Variants in COL23A1 observed in about 807,000 individuals in gnomAD.
The protein encoded by COL23A1 is collagen alpha-1(XXIII) chain.
A neutral mutation model predicts 99.3 loss-of-function variants in COL23A1; 97 were observed. The observed-to-expected ratio is 0.98, with a 90% CI of 0.83 to 1.16. COL23A1 has a LOEUF of 1.16. Among genes scored for constraint, COL23A1 ranks in the 50% most tolerant of loss-of-function variants. The pLI is 0.00. For synonymous variants in COL23A1, 320 were observed against 308.2 expected (o/e 1.04, Z -0.40); for missense variants, 762 against 757.4 (o/e 1.01, Z -0.07).
chr5:178,498,905 C>T (rs537507239), intron 2 of COL23A1, among the ~76,000 whole-genome samples: 8 of 148,288 alleles, frequency 5.4e-5, no homozygotes, highest in Middle Eastern at 6.8e-3. Context: ...TCCTGGCCAA[C>T]GGTGAAACCC....
intron 2 of COL23A1, among the ~76,000 whole-genome samples, chr5:178,464,795 C>T (rs1055180960): frequency 1.3e-5 from 2 of 152,174 alleles, no homozygotes; most frequent in Admixed American, 6.5e-5. Context: ...TCTCAGATCC[C>T]GTGAGGCCTC....
chr5:178,466,278 G>C (rs1163560926), intron 2 of COL23A1, among the ~76,000 whole-genome samples: 1 of 152,200 alleles, frequency 6.6e-6, no homozygotes, highest in East Asian at 1.9e-4. Context: ...TGCATCTGCA[G>C]AGCACAGAGC....
At chr5:178,379,073 G>A (rs1316560746) in intron 2 of COL23A1, among the ~76,000 whole-genome samples, 1 of 152,080 alleles carries the variant, frequency 6.6e-6, no homozygotes, top group African/African-American at 2.4e-5. Flanking sequence ...CTGGTTATGG[G>A]AGCTGCCCCA....
At chr5:178,264,739 C>T (rs990705918) in intron 8 of COL23A1, among the ~76,000 whole-genome samples, 9 of 152,216 alleles carry the variant, frequency 5.9e-5, no homozygotes, top group African/African-American at 2.2e-4. Context: ...TCACTGCAAC[C>T]TCCACCTCCC....
In COL23A1 at chr5:178,449,784, T is replaced by C. The variant is rs556953584; in HGVS notation, c.361+110898A>G. On this transcript the variant is annotated intron_variant, in intron 2 of 28. Transcript: ENST00000390654. ...AGAAAATTATACACAAAGCACCCTT[T>C]TGCAGAGCTCTAGAGACAAGGCATG... 3.3e-5 allele frequency among the ~76,000 whole-genome samples: 5 copies of C among 152,196 alleles called. No homozygotes were observed. The East Asian group carries it at 9.7e-4, about 29-fold the overall frequency.
At chr5:178,498,291 A>C (rs1410165982) in intron 2 of COL23A1, among the ~76,000 whole-genome samples, 1 of 145,094 alleles carries the variant, frequency 6.9e-6, no homozygotes, top group Non-Finnish European at 1.5e-5. Context: ...TAAAAATAAA[A>C]AATTAAAGAA....
chr5:178,527,179 G>A lies in COL23A1; in HGVS notation c.361+33503C>T, dbSNP rs182508996. ...GGCTCAGGGAGGCAGCAAGGCGGGG[G>A]GCCCTCGGTGAGGAGAGTGGGGGAC... On this transcript the variant is annotated intron_variant, in intron 2 of 28. Transcript: ENST00000390654. Among the ~76,000 whole-genome samples, 477 of 152,268 alleles carry A rather than the reference G, an allele frequency of 3.1e-3. 3 individuals are homozygous for A. Among genetic ancestry groups the A allele is most frequent in the African/African-American group, 0.011 (464 of 41,566 alleles).
chr5:178,268,673 G>A, intron 7 of COL23A1, 57 bp downstream of exon 7: 1 of 1,572,426 alleles, frequency 6.4e-7, no homozygotes, highest in Non-Finnish European at 8.7e-7. Flanking sequence ...TTCGGAGGCA[G>A]GTTTCTGGGA....
At chr5:178,499,987 T>C (rs768904137) in intron 2 of COL23A1, among the ~76,000 whole-genome samples, 55 of 152,152 alleles carry the variant, frequency 3.6e-4, no homozygotes, top group Non-Finnish European at 4.9e-4. Flanking sequence ...TACAGTTACA[T>C]AGACTTCTTG....
At chr5:178,578,793 T>C (rs1763522228) in intron 1 of COL23A1, among the ~76,000 whole-genome samples, 1 of 151,702 alleles carries the variant, frequency 6.6e-6, no homozygotes, top group Non-Finnish European at 1.5e-5. Context: ...TTCGCCGTGT[T>C]GCCGCCATAC....
intron 2 of COL23A1, among the ~76,000 whole-genome samples, chr5:178,391,504 A>G (rs1763960992): frequency 6.6e-6 from 1 of 152,248 alleles, no homozygotes; most frequent in Non-Finnish European, 1.5e-5. Flanking sequence ...GACAGCAGGG[A>G]AATGCAAATT....
chr5:178,541,408 T>C (rs1382330843), intron 2 of COL23A1, among the ~76,000 whole-genome samples: 1 of 152,096 alleles, frequency 6.6e-6, no homozygotes, highest in Non-Finnish European at 1.5e-5. Context: ...GGCGACATGG[T>C]GAAACCCCGT....
rs997753940 is a variant in COL23A1, at chr5:178,365,440, G to A, written c.362-58521C>T. Among the ~76,000 whole-genome samples the A allele has an allele frequency of 1.3e-4, 19 of 151,980 alleles. No individual in the cohort carries two copies. Among genetic ancestry groups the A allele is most frequent in the Admixed American group, 5.2e-4 (8 of 15,246 alleles). On this transcript the variant is annotated intron_variant, in intron 2 of 28. Coordinates refer to ENST00000390654, the MANE Select transcript of COL23A1 (RefSeq NM_173465.4). This position sits in a 1 kb window ranked among gnomAD's most constrained non-coding sequence, Gnocchi z 5.2. ...GACACTCACGCATTTCAGGTCTGAC[G>A]GGTACCCGCCACCCAATCCCTCTTT... is the stretch of plus-strand genomic sequence containing the variant.
chr5:178,295,430 T>G (rs1050555632), intron 3 of COL23A1, among the ~76,000 whole-genome samples: 7 of 152,170 alleles, frequency 4.6e-5, no homozygotes, highest in African/African-American at 7.2e-5. Context: ...ATAAAAGAAA[T>G]GAAGGTTAAA....
At chr5:178,511,634 C>T (rs193136335) in intron 2 of COL23A1, among the ~76,000 whole-genome samples, 95 of 152,324 alleles carry the variant, frequency 6.2e-4, no homozygotes, top group Non-Finnish European at 1.3e-3. Context: ...GGCATGGGCT[C>T]AGGCTCACTT....
At chr5:178,529,787 C>T (rs766213033) in intron 2 of COL23A1, among the ~76,000 whole-genome samples, 2 of 152,168 alleles carry the variant, frequency 1.3e-5, no homozygotes, top group Non-Finnish European at 2.9e-5. Flanking sequence ...CTGATTTAAA[C>T]TCCTCGTGTC....
At chr5:178,559,833 C>G (rs1404102709) in intron 2 of COL23A1, among the ~76,000 whole-genome samples, 1 of 144,286 alleles carries the variant, frequency 6.9e-6, no homozygotes, top group Non-Finnish European at 1.5e-5. Context: ...TTTCCCTGCA[C>G]GTCGAGAAGT....
At chr5:178,547,461 A>ACACACACC (rs1554194018) in intron 2 of COL23A1, among the ~76,000 whole-genome samples, 21 of 52,224 alleles carry the variant, frequency 4.0e-4, no homozygotes, top group African/African-American at 6.2e-4. Flanking sequence ...ACGTGTGGGC[A>ACACACACC]CACACACCCA....
At chr5:178,549,696 T>A (rs1409667520) in intron 2 of COL23A1, among the ~76,000 whole-genome samples, 1 of 152,094 alleles carries the variant, frequency 6.6e-6, no homozygotes, top group Non-Finnish European at 1.5e-5. Context: ...GCTCCTGTAA[T>A]CCCAGCTACG....
Sources: gnomAD v4.1 joint callset for allele counts (sites outside exome capture counted in the v4.1 genomes callset) on GRCh38, gnomAD v4.1.1 for gene constraint, Gnocchi (gnomAD v3.1) non-coding constraint, MANE v1.5 for transcripts, NCBI Gene and HGNC (gene_info 2026-07-23, HGNC 2026-07-21) for gene names.